The following SALL2 variants were observed in gnomAD, a reference collection of about 807,000 sequenced individuals.
The protein encoded by SALL2 is sal-like protein 2.
A neutral mutation model predicts 58.5 loss-of-function variants in SALL2; 32 were observed. The observed-to-expected ratio is 0.55, with a 90% CI of 0.41 to 0.74. SALL2 has a LOEUF of 0.74. Ranked by LOEUF, SALL2 falls within the 30% of genes least tolerant of loss-of-function variation. SALL2 has a pLI of 0.00. For missense variants in SALL2, 1,201 were observed against 1,268.9 expected, an observed-to-expected ratio of 0.95 and a Z score of 0.81; for synonymous variants, 516 against 513.6, an observed-to-expected ratio of 1.00 and a Z score of -0.06.
rs1434693375 is a variant in SALL2, at chr14:21,521,413, GA to G, written c.*1290del. ...GATAGGCAAAATGGGTAGGGGTCTTGAAAGAGGAAGATAAGGAAAATACAAG... is the reference window on the plus strand; with the variant it reads ...GATAGGCAAAATGGGTAGGGGTCTTGAAGAGGAAGATAAGGAAAATACAAG... On this transcript the variant is annotated 3_prime_UTR_variant, in exon 2 of 2. Coordinates refer to ENST00000537235, the MANE Select transcript of SALL2 (RefSeq NM_001364564.1). The G allele has an allele frequency of 6.6e-6, 1 of 152,402 alleles. No homozygotes were observed. The highest frequency in any genetic ancestry group is 1.9e-4 in the East Asian group (1 of 5,198). The allele number at this position is 152,402 out of a possible 1,614,324, so 9.4% of individuals were successfully genotyped here.
At chr14:21,527,700 G>A (rs141651302), upstream of SALL2, among the ~76,000 whole-genome samples, 1 of 152,282 alleles carries the variant, frequency 6.6e-6, no homozygotes, top group Non-Finnish European at 1.5e-5. Context: ...GTGTAAACCA[G>A]GTATGGTGGT....
upstream of SALL2, chr14:21,526,409 AGAG>A: frequency 7.6e-7 from 1 of 1,315,604 alleles, no homozygotes; most frequent in East Asian, 3.2e-5. Context: ...GGCGGGAGCT[AGAG>A]GAGGCGGGAG....
chr14:21,527,769 G>T (rs1284603900), upstream of SALL2, among the ~76,000 whole-genome samples: 1 of 152,012 alleles, frequency 6.6e-6, no homozygotes, highest in African/African-American at 2.4e-5. Flanking sequence ...TTTAGTCCAG[G>T]AGTTTGAGGC....
Position 21,524,994 on chromosome 14 carries a change from A to C in SALL2, c.728T>G (p.Ile243Ser). The C allele has an allele frequency of 6.2e-7, 1 of 1,613,842 alleles. No homozygotes were observed. The highest frequency in any genetic ancestry group is 1.3e-5 in the African/African-American group (1 of 75,028). ...TKPLLPLFSP[I>S]KPVQTSKTLA... ...TGTCTTGCTGGTTTGGACAGGCTTG[A>C]TGGGGCTGAAGAGGGGTAGTAGGGG... The change falls in exon 2 of 2, where the codon ATC becomes AGC. Residue 243 changes from isoleucine (I) to serine (S), a missense_variant. Physicochemically the swap from Ile to Ser is moderately radical, Grantham distance 142. Coordinates refer to ENST00000537235, the MANE Select transcript of SALL2 (RefSeq NM_001364564.1).
chr14:21,526,462 G>T (rs1178430354), upstream of SALL2: 4 of 1,304,334 alleles, frequency 3.1e-6, no homozygotes, highest in Admixed American at 7.4e-5. Flanking sequence ...GGAGCTCAGA[G>T]CTCGGGAGAG....
intron 1 of SALL2, chr14:21,536,819 A>AG (rs1892608383): frequency 6.2e-7 from 1 of 1,602,268 alleles, no homozygotes; most frequent in Non-Finnish European, 8.6e-7. Flanking sequence ...GCTTGGACTT[A>AG]GGGGCCCCCA....
Position 21,523,375 on chromosome 14 carries a change from C to G in SALL2, c.2347G>C (p.Gly783Arg), listed in dbSNP as rs573563808. ...EDVTDEDSLAGRGSESGGEKA... is the reference protein window; with the variant it reads ...EDVTDEDSLARRGSESGGEKA... ...TCACCTCCACTCTCTGAGCCTCTCC[C>G]TGCCAGGGAATCTTCATCAGTCACA... Residue 783 changes from glycine (G) to arginine (R), a missense_variant, in exon 2 of 2, where the codon GGG (glycine) becomes CGG (arginine). Coordinates refer to ENST00000537235, the MANE Select transcript of SALL2 (RefSeq NM_001364564.1). The surrounding 1 kb of genome is among the most constrained non-coding windows in gnomAD (Gnocchi z 4.4). 6.8e-6 allele frequency: 11 copies of G among 1,613,712 alleles called. No individual in the cohort carries two copies. In the East Asian group the frequency reaches 2.0e-4, roughly 29 times the overall value.
chr14:21,532,158 G>A (rs1017585919), intron 1 of SALL2, among the ~76,000 whole-genome samples: 3 of 152,136 alleles, frequency 2.0e-5, no homozygotes, highest in African/African-American at 7.2e-5. Context: ...GAAAAAAAGA[G>A]AAAACATACT....
chr14:21,525,942 T>C lies in SALL2; in HGVS notation c.67+119A>G. On this transcript the variant is annotated intron_variant, in intron 1 of 1. Transcript: ENST00000537235. The surrounding 1 kb of genome is among the most constrained non-coding windows in gnomAD (Gnocchi z 4.4). ...CACAAGCGAGTTCACGGAATAGGTG[T>C]GGGGACAGGGGCCTACGCAGAGAAT... The C allele has an allele frequency of 9.7e-7, 1 of 1,026,398 alleles. No homozygotes were observed. Among genetic ancestry groups the C allele is most frequent in the Non-Finnish European group, 1.5e-6 (1 of 689,090 alleles). 63.6% of individuals were successfully genotyped at this position (1,026,398 alleles called of 1,614,324 possible). A position where few individuals can be genotyped will look rare whatever the true frequency, so the allele number is the denominator to read the frequency against.
At chr14:21,537,084 TCTCTCTCTCTCTGATTCTCTGTTCTTGA>T (rs2139688434) in exon 1 of SALL2, 1 of 608,014 alleles carries the variant, frequency 1.6e-6, no homozygotes, top group African/African-American at 1.8e-5. Flanking sequence ...ACACAGACTC[TCTCTCTCTCTCTGATTCTCTGTTCTTGA>T]CTCTCTCTCT....
chr14:21,531,510 G>A (rs901005417), intron 1 of SALL2, among the ~76,000 whole-genome samples: 4 of 151,880 alleles, frequency 2.6e-5, no homozygotes, highest in Admixed American at 6.6e-5. Flanking sequence ...AGGTTCAAGC[G>A]ATTCTCCTGC....
chr14:21,533,919 T>C (rs1892528423), intron 1 of SALL2, among the ~76,000 whole-genome samples: 1 of 152,172 alleles, frequency 6.6e-6, no homozygotes, highest in Non-Finnish European at 1.5e-5. Context: ...CATGATGATA[T>C]CCATAATTTC....
chr14:21,526,484 G>T (rs1892320059), upstream of SALL2: 3 of 1,257,462 alleles, frequency 2.4e-6, no homozygotes, highest in Non-Finnish European at 3.0e-6. Context: ...TTCCGGAGGC[G>T]CAGTGACAGG....
At chr14:21,526,348 G>A, upstream of SALL2, 3 of 1,424,180 alleles carry the variant, frequency 2.1e-6, no homozygotes, top group Non-Finnish European at 2.7e-6. Context: ...GGGAGATCTG[G>A]GAGGAGCTGA....
At chr14:21,528,114 G>A (rs1594466804), upstream of SALL2, among the ~76,000 whole-genome samples, 2 of 151,228 alleles carry the variant, frequency 1.3e-5, no homozygotes, top group East Asian at 3.9e-4. Flanking sequence ...CTCCAGCCTG[G>A]GCAACAAGAG....
chr14:21,522,978 C>CCA lies in SALL2; in HGVS notation c.2742_2743dup (p.Gly915ValfsTer67). ...AGCTGCCTGGGAGGGAAAGGCCTGG[C>CCA]CACACACTTCGCAGGCCTTTCTGCT... On this transcript the variant is annotated frameshift_variant, in exon 2 of 2. Coordinates refer to ENST00000537235, the MANE Select transcript of SALL2 (RefSeq NM_001364564.1). LOFTEE classifies it high-confidence loss of function. 6.2e-7 allele frequency: 1 copy of CCA among 1,614,124 alleles called. No homozygotes were observed. The highest frequency in any genetic ancestry group is 8.5e-7 in the Non-Finnish European group (1 of 1,180,026).
rs753712214 is a variant in SALL2 at position 21,525,215 on chromosome 14, C to T, written c.507G>A (p.Gly169=). ...GGATATTCAAGTGGCCACTGCCTAC[C>T]CCTGGGGGCGGAGGGGGTGGTGGAG... The part of the protein sequence containing the change: ...PPPPPPPPPP[G]VGSGHLNIPL... The change falls in exon 2 of 2, where the codon GGG becomes GGA. Residue 169 remains glycine, a synonymous_variant. Transcript: ENST00000537235. This position sits in a 1 kb window ranked among gnomAD's most constrained non-coding sequence, Gnocchi z 4.4. 6.2e-7 allele frequency: 1 copy of T among 1,613,460 alleles called. No individual in the cohort carries two copies. The highest frequency in any genetic ancestry group is 1.3e-5 in the African/African-American group (1 of 74,984).
rs957700910 is a variant in SALL2 at position 21,535,299 on chromosome 14, T to C, written c.-114+1663A>G. 4.8e-5 allele frequency among the ~76,000 whole-genome samples: 7 copies of C among 147,062 alleles called. No individual in the cohort carries two copies. The South Asian group carries it at 8.6e-4, about 18-fold the overall frequency. ...GGTGGAGCGGGCAGTGAGCCAAGAT[T>C]GCACCACTGCACTCCAACCTGGGCG... is the stretch of plus-strand genomic sequence containing the variant. On this transcript the variant is annotated intron_variant, in intron 1 of 1. Transcript: ENST00000541965.
rs1442032425 is a variant in SALL2, at chr14:21,521,593, C to T, written c.*1111G>A. ...TCCAGACATTCACAAGAATTTGAGG[C>T]CTTTTCCCTTACATCATGTCCCTTT... On this transcript the variant is annotated 3_prime_UTR_variant, in exon 2 of 2. Coordinates refer to ENST00000537235, the MANE Select transcript of SALL2 (RefSeq NM_001364564.1). The T allele has an allele frequency of 4.6e-5, 8 of 173,546 alleles. No homozygotes were observed. Among genetic ancestry groups the T allele is most frequent in the Non-Finnish European group, 8.7e-5 (7 of 80,188 alleles). 10.8% of individuals were successfully genotyped at this position (173,546 alleles called of 1,614,324 possible).
Sources: gnomAD v4.1 joint callset for allele counts (sites outside exome capture counted in the v4.1 genomes callset) on GRCh38, gnomAD v4.1.1 for gene constraint, Gnocchi (gnomAD v3.1) non-coding constraint, MANE v1.5 for transcripts, NCBI Gene and HGNC (gene_info 2026-07-23, HGNC 2026-07-21) for gene names.